Variants in ZNF385D observed in about 807,000 individuals in gnomAD.
The protein encoded by ZNF385D is zinc finger protein 385D.
A neutral mutation model predicts 35.8 loss-of-function variants in ZNF385D; 15 were observed. The observed-to-expected ratio is 0.42, with a 90% CI of 0.28 to 0.64. The LOEUF is 0.64. Among genes scored for constraint, ZNF385D ranks in the 30% least tolerant of loss-of-function variants. The pLI is 0.23. For synonymous variants in ZNF385D, 212 were observed against 186.8 expected, an observed-to-expected ratio of 1.13 and a Z score of -1.10; for missense variants, 474 against 494.6, an observed-to-expected ratio of 0.96 and a Z score of 0.39.
chr3:21,912,440 C>G (rs1700006439), intron 3 of ZNF385D, among the ~76,000 whole-genome samples: 1 of 151,944 alleles, frequency 6.6e-6, no homozygotes, highest in South Asian at 2.1e-4. Flanking sequence ...TACCAGATAC[C>G]TGCTTGATGG....
chr3:21,815,096 C>T (rs890351564), intron 3 of ZNF385D, among the ~76,000 whole-genome samples: 5 of 152,048 alleles, frequency 3.3e-5, no homozygotes, highest in Admixed American at 6.6e-5. Flanking sequence ...GGGTACGTAA[C>T]GAAATGAAGG....
chr3:21,612,075 G>A (rs1575318828), intron 2 of ZNF385D, among the ~76,000 whole-genome samples: 1 of 151,414 alleles, frequency 6.6e-6, no homozygotes, highest in South Asian at 2.1e-4. Context: ...CTGTGGAGCA[G>A]TCATTATTAT....
chr3:21,572,121 C>T (rs144105414), intron 2 of ZNF385D, among the ~76,000 whole-genome samples: 2 of 152,214 alleles, frequency 1.3e-5, no homozygotes, highest in African/African-American at 4.8e-5. Flanking sequence ...TGACTGGACC[C>T]CATCCTGACT....
At chr3:22,042,292 A>C (rs1397192226) in intron 3 of ZNF385D, among the ~76,000 whole-genome samples, 1 of 152,128 alleles carries the variant, frequency 6.6e-6, no homozygotes, top group Non-Finnish European at 1.5e-5. Context: ...TACATTATTA[A>C]TACCCACAAG....
intron 3 of ZNF385D, among the ~76,000 whole-genome samples, chr3:22,062,083 G>T (rs940370022): frequency 2.0e-5 from 3 of 152,030 alleles, no homozygotes; most frequent in Non-Finnish European, 2.9e-5. Context: ...TGTTGCCCAG[G>T]CTGGAGTGCA....
At chr3:21,936,386 G>T (rs920269546) in intron 3 of ZNF385D, among the ~76,000 whole-genome samples, 1 of 117,062 alleles carries the variant, frequency 8.5e-6, no homozygotes. Context: ...GCTGAGATGT[G>T]TAACAATTTT....
At chr3:22,026,845 G>A (rs972829840) in intron 3 of ZNF385D, among the ~76,000 whole-genome samples, 3 of 152,284 alleles carry the variant, frequency 2.0e-5, no homozygotes, top group Admixed American at 6.5e-5. Flanking sequence ...TTCCCACCAC[G>A]TCCCCATTCA....
intron 1 of ZNF385D, among the ~76,000 whole-genome samples, chr3:21,699,518 A>G (rs1291373839): frequency 6.6e-6 from 1 of 152,120 alleles, no homozygotes; most frequent in Non-Finnish European, 1.5e-5. Flanking sequence ...AGTAATTTAA[A>G]TTAAATACAA....
At chr3:22,081,509 C>G (rs1700748562) in intron 3 of ZNF385D, among the ~76,000 whole-genome samples, 1 of 152,138 alleles carries the variant, frequency 6.6e-6, no homozygotes, top group Admixed American at 6.5e-5. Context: ...GCGAGTTGAG[C>G]TAGCCATTCA....
At position 21,812,100 on chromosome 3, in the gene ZNF385D, AG is replaced by A. The variant is rs565622039; in HGVS notation, c.326-147073del. On this transcript the variant is annotated intron_variant, in intron 3 of 5. Coordinates refer to the ZNF385D transcript ENST00000494108. The stretch of plus-strand genomic sequence containing the variant: ...AAGAGGAAGTTAAGTGCCACCAAAA[AG>A]ATATAATTGGTCAAATTCAGAACAT... Among the ~76,000 whole-genome samples, 240 of 152,366 alleles carry A rather than the reference AG, an allele frequency of 1.6e-3. 1 individual carries two copies. The highest frequency in any genetic ancestry group is 0.01 in the Middle Eastern group (3 of 294).
chr3:22,244,364 T>TAAAAAAAAAAAAAAA (rs34497539), intron 2 of ZNF385D, among the ~76,000 whole-genome samples: 2 of 62,558 alleles, frequency 3.2e-5, no homozygotes, highest in Non-Finnish European at 6.2e-5. Context: ...CAACCGAATG[T>TAAAAAAAAAAAAAAA]AAAAAAAAAA....
chr3:21,752,081 A>G (rs1475664725), upstream of ZNF385D, among the ~76,000 whole-genome samples: 1 of 149,220 alleles, frequency 6.7e-6, no homozygotes, highest in African/African-American at 2.5e-5. Flanking sequence ...AGAAAGGCAA[A>G]GCTTAGCAAA....
At chr3:22,206,955 C>G (rs1335316717) in intron 2 of ZNF385D, among the ~76,000 whole-genome samples, 1 of 151,648 alleles carries the variant, frequency 6.6e-6, no homozygotes, top group Non-Finnish European at 1.5e-5. Context: ...ATACCGAAGA[C>G]TACAAAATGA....
chr3:21,756,990 G>A (rs1285521481), intron 3 of ZNF385D, among the ~76,000 whole-genome samples: 1 of 151,906 alleles, frequency 6.6e-6, no homozygotes, highest in Non-Finnish European at 1.5e-5. Context: ...AATGCCTGGG[G>A]TCATTATTGA....
chr3:22,150,016 T>C (rs1227702144), intron 3 of ZNF385D, among the ~76,000 whole-genome samples: 1 of 152,206 alleles, frequency 6.6e-6, no homozygotes, highest in Non-Finnish European at 1.5e-5. Flanking sequence ...TTATTTCAGA[T>C]GAAATAATGA....
At position 22,220,665 on chromosome 3, in the gene ZNF385D, C is replaced by A. The variant is rs185700851; in HGVS notation, c.107-51630G>T. On this transcript the variant is annotated intron_variant, in intron 2 of 5. Transcript: ENST00000494108. Reference sequence around the variant, plus strand: ...TCTGAGTCTTCACATGTGCCAAACACTTCTGTATGAAATTTCATTTTAACT... The same window carrying A: ...TCTGAGTCTTCACATGTGCCAAACAATTCTGTATGAAATTTCATTTTAACT... 7.2e-5 allele frequency among the ~76,000 whole-genome samples: 11 copies of A among 152,236 alleles called. No homozygotes were observed. The East Asian group carries it at 2.1e-3, about 29-fold the overall frequency.
At chr3:22,286,786 T>G (rs1365145476) in intron 2 of ZNF385D, among the ~76,000 whole-genome samples, 1 of 152,138 alleles carries the variant, frequency 6.6e-6, no homozygotes, top group Non-Finnish European at 1.5e-5. Context: ...ACTTGTTTTG[T>G]GGCTTAACAT....
intron 3 of ZNF385D, among the ~76,000 whole-genome samples, chr3:21,849,013 CA>C (rs1324575482): frequency 6.6e-6 from 1 of 152,026 alleles, no homozygotes; most frequent in African/African-American, 2.4e-5. Context: ...AAAGTTTTAT[CA>C]ACAGTGTAAG....
intron 3 of ZNF385D, among the ~76,000 whole-genome samples, chr3:22,167,472 C>T (rs192945632): frequency 6.6e-6 from 1 of 152,190 alleles, no homozygotes; most frequent in South Asian, 2.1e-4. Context: ...ATTCTCTACC[C>T]TTCTCACTCT....
Sources: allele counts gnomAD v4.1 joint callset (sites outside exome capture counted in the v4.1 genomes callset), GRCh38; gene constraint gnomAD v4.1.1; transcripts MANE v1.5; gene names NCBI Gene and HGNC (gene_info 2026-07-23, HGNC 2026-07-21).